Variants in CACNB2 observed in about 807,000 individuals in gnomAD.
CACNB2 encodes calcium voltage-gated channel auxiliary subunit beta 2.
A neutral mutation model predicts 73.3 loss-of-function variants in CACNB2; 42 were observed. The ratio of observed to expected loss-of-function variants is 0.57; its 90% CI spans 0.45 to 0.74. The LOEUF is 0.74. Ranked by LOEUF, CACNB2 falls within the 30% of genes least tolerant of loss-of-function variation. The pLI is 0.00. For missense variants in CACNB2, 940 were observed against 853.0 expected (o/e 1.10, Z -1.27); for synonymous variants, 348 against 310.3 (o/e 1.12, Z -1.28).
Position 18,505,665 on chromosome 10 carries a change from C to T in CACNB2, c.594-806C>T, listed in dbSNP as rs1382481114. 2.6e-5 allele frequency among the ~76,000 whole-genome samples: 4 copies of T among 152,074 alleles called. No homozygotes were observed. The East Asian group carries it at 7.7e-4, about 29-fold the overall frequency. On this transcript the variant is annotated intron_variant, in intron 5 of 13. Transcript: ENST00000324631. ...TTTTGCCCAAATGTAAAATGTTCTTCTTATCTTCATCTGAGAGAGGGGTCA... is the reference window on the plus strand; with the variant it reads ...TTTTGCCCAAATGTAAAATGTTCTTTTTATCTTCATCTGAGAGAGGGGTCA...
intron 7 of CACNB2, among the ~76,000 whole-genome samples, chr10:18,515,419 T>C (rs944574904): frequency 1.3e-5 from 2 of 152,230 alleles, no homozygotes; most frequent in African/African-American, 4.8e-5. Context: ...AAACCATGGA[T>C]ATATTCTCAC....
At chr10:18,514,624 C>A in intron 7 of CACNB2, 4 of 1,441,466 alleles carry the variant, frequency 2.8e-6, no homozygotes, top group Non-Finnish European at 3.9e-6. Context: ...ATTTCTGTCC[C>A]AAGCAAAGAA....
chr10:18,157,561 T>C (rs1220519034), intron 2 of CACNB2, among the ~76,000 whole-genome samples: 1 of 152,198 alleles, frequency 6.6e-6, no homozygotes, highest in East Asian at 1.9e-4. Context: ...AGGGAAATAA[T>C]AGTGTTCATT....
chr10:18,378,350 A>G (rs1306357905), intron 2 of CACNB2, among the ~76,000 whole-genome samples: 1 of 152,210 alleles, frequency 6.6e-6, no homozygotes, highest in African/African-American at 2.4e-5. Context: ...ACAGCCTGAC[A>G]TTCTCTGCTT....
intron 3 of CACNB2, among the ~76,000 whole-genome samples, chr10:18,448,371 G>C (rs922220195): frequency 6.6e-6 from 1 of 151,190 alleles, no homozygotes; most frequent in Admixed American, 6.6e-5. Context: ...CTACTCAGGA[G>C]CTCTGAGGCA....
At chr10:18,300,388 C>A (rs538661481) in intron 2 of CACNB2, among the ~76,000 whole-genome samples, 1 of 152,154 alleles carries the variant, frequency 6.6e-6, no homozygotes, top group East Asian at 1.9e-4. Context: ...CTCCTACACT[C>A]CTGAAATTTC....
At chr10:18,436,889 G>C (rs546420729) in intron 3 of CACNB2, among the ~76,000 whole-genome samples, 1 of 152,290 alleles carries the variant, frequency 6.6e-6, no homozygotes, top group African/African-American at 2.4e-5. Context: ...TCAGAAAAGA[G>C]AGAGTCACCT....
At chr10:18,407,436 G>C (rs11014093) in intron 3 of CACNB2, among the ~76,000 whole-genome samples, 1 of 151,846 alleles carries the variant, frequency 6.6e-6, no homozygotes, top group Non-Finnish European at 1.5e-5. Flanking sequence ...CTGTCTTTAA[G>C]TTTTTGATTT....
chr10:18,450,743 C>T (rs1321141339), intron 3 of CACNB2, among the ~76,000 whole-genome samples: 1 of 151,132 alleles, frequency 6.6e-6, no homozygotes, highest in Non-Finnish European at 1.5e-5. Context: ...CCCTCTCAGT[C>T]TCCTGAGTAG....
intron 2 of CACNB2, among the ~76,000 whole-genome samples, chr10:18,220,237 A>G (rs1219545237): frequency 0.012 from 563 of 48,416 alleles, 25 homozygotes; most frequent in African/African-American, 0.051. Flanking sequence ...ATATATAGAG[A>G]GAGAGAGAGA....
intron 3 of CACNB2, among the ~76,000 whole-genome samples, chr10:18,422,008 G>A (rs2045351503): frequency 6.6e-6 from 1 of 152,198 alleles, no homozygotes; most frequent in African/African-American, 2.4e-5. Context: ...TGCTATAGCT[G>A]TTAAGCATGT....
chr10:18,487,272 T>C (rs1157280947), intron 3 of CACNB2, among the ~76,000 whole-genome samples: 2 of 152,170 alleles, frequency 1.3e-5, no homozygotes, highest in Middle Eastern at 3.2e-3. Flanking sequence ...AGCCTTCATC[T>C]ATTGGCACAG....
intron 2 of CACNB2, among the ~76,000 whole-genome samples, chr10:18,195,243 C>T (rs1300147118): frequency 6.6e-6 from 1 of 152,172 alleles, no homozygotes; most frequent in East Asian, 1.9e-4. Context: ...TGAGGCTTTA[C>T]ATGCCACAGG....
At chr10:18,530,311 CA>C (rs2052872552) in intron 10 of CACNB2, among the ~76,000 whole-genome samples, 1 of 152,006 alleles carries the variant, frequency 6.6e-6, no homozygotes, top group African/African-American at 2.4e-5. Flanking sequence ...CCCAGGGACA[CA>C]AAAGTGAAGG....
intron 3 of CACNB2, among the ~76,000 whole-genome samples, chr10:18,478,906 G>A (rs182483838): frequency 2.3e-3 from 352 of 152,196 alleles, no homozygotes; most frequent in Admixed American, 4.7e-3. Flanking sequence ...GAGGGATGTG[G>A]GGGACCTTGA....
chr10:18,185,816 C>T (rs753739613), intron 2 of CACNB2, among the ~76,000 whole-genome samples: 3 of 151,932 alleles, frequency 2.0e-5, no homozygotes, highest in Non-Finnish European at 4.4e-5. Flanking sequence ...AAACTGTTCT[C>T]GGTGCTTGGG....
chr10:18,237,852 G>A (rs1360447181), intron 2 of CACNB2, among the ~76,000 whole-genome samples: 2 of 152,194 alleles, frequency 1.3e-5, no homozygotes, highest in African/African-American at 4.8e-5. Context: ...CTGGAATGAT[G>A]GTAGAAAGGT....
chr10:18,384,685 T>G (rs1425412604), intron 2 of CACNB2, among the ~76,000 whole-genome samples: 1 of 151,520 alleles, frequency 6.6e-6, no homozygotes, highest in African/African-American at 2.4e-5. Flanking sequence ...AGCTGAGATA[T>G]TGCCATTGTA....
intron 2 of CACNB2, among the ~76,000 whole-genome samples, chr10:18,198,414 A>G (rs150747091): frequency 2.8e-4 from 43 of 152,256 alleles, no homozygotes; most frequent in African/African-American, 8.7e-4. Flanking sequence ...AGTAGCCATC[A>G]ATCTTCACCA....
Sources: gnomAD v4.1 joint callset for allele counts (sites outside exome capture counted in the v4.1 genomes callset) on GRCh38, gnomAD v4.1.1 for gene constraint, MANE v1.5 for transcripts, NCBI Gene and HGNC (gene_info 2026-07-23, HGNC 2026-07-21) for gene names.